Variants in OSBPL10 observed in about 807,000 individuals in gnomAD.
OSBPL10 encodes the protein oxysterol binding protein like 10, also known as oxysterol-binding protein-related protein 10.
Under a neutral mutation model 81.7 loss-of-function variants are expected in OSBPL10, and 49 were observed. The observed-to-expected ratio is 0.60, with a 90% CI of 0.48 to 0.76. OSBPL10 has a LOEUF of 0.76. Among genes scored for constraint, OSBPL10 ranks in the 30% least tolerant of loss-of-function variants. The pLI is 0.00. For synonymous variants in OSBPL10, 419 were observed against 383.6 expected, an observed-to-expected ratio of 1.09 and a Z score of -1.08; for missense variants, 923 against 987.8, an observed-to-expected ratio of 0.93 and a Z score of 0.88.
At chr3:31,873,331 AT>A (rs1428376603) in intron 3 of OSBPL10, among the ~76,000 whole-genome samples, 1 of 152,158 alleles carries the variant, frequency 6.6e-6, no homozygotes, top group African/African-American at 2.4e-5. Flanking sequence ...GTAGTCGTTT[AT>A]TTTAAATAAA....
At chr3:31,887,936 C>T (rs1350128425) in intron 1 of OSBPL10, among the ~76,000 whole-genome samples, 1 of 152,174 alleles carries the variant, frequency 6.6e-6, no homozygotes, top group Admixed American at 6.5e-5. Context: ...CCTCCCAAAC[C>T]ACCAAGATGT....
In OSBPL10 at chr3:31,928,762, C is replaced by CCAAAAAAA. The variant is rs768296819; in HGVS notation, c.282-48933_282-48932insTTTTTTTG. 2.5e-3 allele frequency among the ~76,000 whole-genome samples: 238 copies of CCAAAAAAA among 95,012 alleles called. 6 individuals are homozygous for CCAAAAAAA. The East Asian group carries it at 0.026, about 10-fold the overall frequency. 62.3% of individuals were successfully genotyped at this position (95,012 alleles called of 152,430 possible). A position where few individuals can be genotyped will look rare whatever the true frequency, so the allele number is the denominator to read the frequency against. ...TCTGGGCGACAGTGAGACTTGTCTC[C>CCAAAAAAA]AAAAAAAAAAAAAAAAAAAGAATGC... On this transcript the variant is annotated intron_variant, in intron 1 of 11. Coordinates refer to ENST00000396556, the MANE Select transcript of OSBPL10 (RefSeq NM_017784.5).
chr3:31,859,482 G>A (rs1381460035), intron 3 of OSBPL10, among the ~76,000 whole-genome samples: 1 of 152,196 alleles, frequency 6.6e-6, no homozygotes, highest in Non-Finnish European at 1.5e-5. Flanking sequence ...ATGTGTACAT[G>A]GCCTCCAGCC....
chr3:31,998,678 T>A (rs1699115127), intron 2 of OSBPL10, among the ~76,000 whole-genome samples: 1 of 152,236 alleles, frequency 6.6e-6, no homozygotes, highest in Admixed American at 6.5e-5. Flanking sequence ...TTCTTGCCAA[T>A]TGGCTATCCA....
intron 4 of OSBPL10, chr3:31,797,723 T>A (rs1204954478): frequency 2.3e-6 from 1 of 438,776 alleles, no homozygotes; most frequent in Non-Finnish European, 4.6e-6. Context: ...TAAGTCACAG[T>A]CACTTTTTGC....
intron 1 of OSBPL10, among the ~76,000 whole-genome samples, chr3:31,896,474 T>A (rs1696060956): frequency 6.6e-6 from 1 of 152,140 alleles, no homozygotes; most frequent in Non-Finnish European, 1.5e-5. Context: ...CATCTCCAGC[T>A]CCCTCCTTGG....
chr3:31,898,890 T>C (rs973926587), intron 1 of OSBPL10, among the ~76,000 whole-genome samples: 2 of 149,014 alleles, frequency 1.3e-5, no homozygotes, highest in Non-Finnish European at 3.0e-5. Flanking sequence ...TAGGAGGGTA[T>C]CATTAAAATT....
intron 4 of OSBPL10, among the ~76,000 whole-genome samples, chr3:31,809,672 T>C (rs548139197): frequency 1.0e-3 from 152 of 152,296 alleles, no homozygotes; most frequent in Non-Finnish European, 9.1e-4. Flanking sequence ...TATATTCTAA[T>C]GTGACAACAT....
At chr3:31,932,981 C>G (rs1697289555) in intron 1 of OSBPL10, among the ~76,000 whole-genome samples, 1 of 152,188 alleles carries the variant, frequency 6.6e-6, no homozygotes, top group African/African-American at 2.4e-5. Context: ...GCAATAAACT[C>G]AAATTTATTT....
At chr3:32,056,905 T>C (rs1249609453) in intron 1 of OSBPL10, among the ~76,000 whole-genome samples, 1 of 152,168 alleles carries the variant, frequency 6.6e-6, no homozygotes, top group Non-Finnish European at 1.5e-5. Flanking sequence ...ACCATGCTGA[T>C]AAAACAGGAT....
chr3:31,787,028 G>T (rs1231813959), intron 4 of OSBPL10, among the ~76,000 whole-genome samples: 1 of 152,164 alleles, frequency 6.6e-6, no homozygotes, highest in Non-Finnish European at 1.5e-5. Flanking sequence ...AGGTTGTTCT[G>T]GAATTAAATA....
chr3:31,734,719 C>T (rs1455662134), intron 5 of OSBPL10, among the ~76,000 whole-genome samples: 1 of 152,126 alleles, frequency 6.6e-6, no homozygotes, highest in Non-Finnish European at 1.5e-5. Flanking sequence ...GCCTTGGTGA[C>T]AATGCAAGAC....
intron 2 of OSBPL10, chr3:31,989,984 C>A (rs563925518): frequency 4.3e-6 from 7 of 1,613,862 alleles, no homozygotes; most frequent in Admixed American, 3.3e-5. Flanking sequence ...TCAAACCTTG[C>A]AAGTCATCAT....
At chr3:31,838,041 G>A (rs1477636037) in intron 3 of OSBPL10, among the ~76,000 whole-genome samples, 1 of 152,056 alleles carries the variant, frequency 6.6e-6, no homozygotes, top group Non-Finnish European at 1.5e-5. Context: ...GTAAATAGAA[G>A]AATAAAGCTT....
chr3:31,849,188 G>A (rs1336021206), intron 3 of OSBPL10, among the ~76,000 whole-genome samples: 1 of 152,180 alleles, frequency 6.6e-6, no homozygotes. Flanking sequence ...AAGGCCCCCT[G>A]ACCCACTTGT....
chr3:32,072,200 C>A (rs1268867041), intron 1 of OSBPL10, among the ~76,000 whole-genome samples: 1 of 152,156 alleles, frequency 6.6e-6, no homozygotes, highest in Non-Finnish European at 1.5e-5. Flanking sequence ...CACAAAGGTC[C>A]TCCATCGTCA....
At chr3:31,673,504 C>T (rs910285063) in intron 8 of OSBPL10, among the ~76,000 whole-genome samples, 1 of 152,168 alleles carries the variant, frequency 6.6e-6, no homozygotes, top group Non-Finnish European at 1.5e-5. Flanking sequence ...CCAGCTGTAT[C>T]CCCACAGACT....
intron 4 of OSBPL10, among the ~76,000 whole-genome samples, chr3:31,792,071 CA>C (rs1207415584): frequency 1.3e-5 from 2 of 151,520 alleles, no homozygotes; most frequent in Non-Finnish European, 2.9e-5. Flanking sequence ...CATAGCAAGA[CA>C]AAAAAAATTA....
intron 3 of OSBPL10, among the ~76,000 whole-genome samples, chr3:31,853,099 A>C (rs1321702325): frequency 6.6e-6 from 1 of 152,176 alleles, no homozygotes; most frequent in Non-Finnish European, 1.5e-5. Flanking sequence ...AGATCTGCCA[A>C]GCAACAAGGC....
Sources: allele counts gnomAD v4.1 joint callset (sites outside exome capture counted in the v4.1 genomes callset), GRCh38; gene constraint gnomAD v4.1.1; transcripts MANE v1.5; gene names NCBI Gene and HGNC (gene_info 2026-07-23, HGNC 2026-07-21).